Variants in ERGIC2 observed in about 807,000 individuals in gnomAD.
ERGIC2 encodes the protein ERGIC and golgi 2.
ERGIC2 carries 31 observed loss-of-function variants against 52.5 expected under a neutral mutation model. The ratio of observed to expected loss-of-function variants is 0.59; its 90% CI spans 0.44 to 0.80. The LOEUF is 0.80. Among genes scored for constraint, ERGIC2 ranks in the 30% least tolerant of loss-of-function variants. The probability of loss-of-function intolerance (pLI) is 0.00; values close to 1 mark genes in which losing one functional copy is unlikely to be tolerated. For missense variants in ERGIC2, 395 were observed against 455.2 expected, an observed-to-expected ratio of 0.87 and a Z score of 1.20; for synonymous variants, 129 against 140.6, an observed-to-expected ratio of 0.92 and a Z score of 0.58.
intron 5 of ERGIC2, 35 bp downstream of exon 5, chr12:29,366,842 C>T (rs749735407): frequency 1.4e-5 from 19 of 1,342,506 alleles, no homozygotes; most frequent in Admixed American, 1.1e-4. Context: ...TTCCTCAACC[C>T]GTGTATTTCA....
intron 1 of ERGIC2, among the ~76,000 whole-genome samples, chr12:29,377,229 C>T (rs1048622238): frequency 6.6e-6 from 1 of 152,156 alleles, no homozygotes; most frequent in African/African-American, 2.4e-5. Flanking sequence ...TCTCCTTAAA[C>T]TGTCTTGAAT....
chr12:29,368,667 CTGTT>C (rs1334812230), intron 3 of ERGIC2, among the ~76,000 whole-genome samples: 2 of 152,018 alleles, frequency 1.3e-5, no homozygotes, highest in South Asian at 2.1e-4. Flanking sequence ...TCTTTCTTCT[CTGTT>C]TATCAAACAC....
At position 29,338,048 on chromosome 12, in the gene ERGIC2, C is replaced by G. The variant is rs1374947245; in HGVS notation, c.*3108G>C. ...AATTAGCTGGGCTTGGTGGTACGCA[C>G]CTGTAGTCCCAGCTACTCAACAGGC... On this transcript the variant is annotated 3_prime_UTR_variant, in exon 14 of 14. Coordinates refer to ENST00000360150, the MANE Select transcript of ERGIC2 (RefSeq NM_016570.3). The G allele has an allele frequency of 6.6e-6, 1 of 152,034 alleles. No homozygotes were observed. Among genetic ancestry groups the G allele is most frequent in the Non-Finnish European group, 1.5e-5 (1 of 68,102 alleles). 9.4% of individuals were successfully genotyped at this position (152,034 alleles called of 1,614,324 possible).
intron 5 of ERGIC2, among the ~76,000 whole-genome samples, chr12:29,363,800 A>C (rs982568058): frequency 6.7e-6 from 1 of 150,334 alleles, no homozygotes; most frequent in Non-Finnish European, 1.5e-5. Context: ...ATGTAGGGGG[A>C]AAAAAAAAGA....
intron 8 of ERGIC2, among the ~76,000 whole-genome samples, chr12:29,353,015 T>C (rs1211739905): frequency 6.6e-6 from 1 of 152,216 alleles, no homozygotes; most frequent in Non-Finnish European, 1.5e-5. Flanking sequence ...TCTTTCTTTA[T>C]AACCAATTAA....
Position 29,357,693 on chromosome 12 carries a change from C to T in ERGIC2, c.406G>A (p.Glu136Lys), listed in dbSNP as rs942744956. 3.1e-6 allele frequency: 5 copies of T among 1,608,514 alleles called. No homozygotes were observed. Among genetic ancestry groups the T allele is most frequent in the Non-Finnish European group, 4.3e-6 (5 of 1,175,424 alleles). Residue 136 changes from glutamate to lysine, a missense_variant, in exon 7 of 14, where the codon GAA becomes AAA. Transcript: ENST00000360150. ...MLQLIQSRLQ[E>K]EHSLQDVIFK... ...ATCACATCTTGAAGTGAATGCTCTT[C>T]TTGTAGCCTACTCTGAATCAGCTGC...
intron 8 of ERGIC2, among the ~76,000 whole-genome samples, chr12:29,351,449 G>A (rs10082724): frequency 0.21 from 31,625 of 151,968 alleles, 5,240 homozygotes; most frequent in African/African-American, 0.46. Context: ...GAAAGCAGGC[G>A]ATTCATAGAT....
chr12:29,372,300 G>A (rs1460670524), intron 1 of ERGIC2, among the ~76,000 whole-genome samples: 1 of 151,896 alleles, frequency 6.6e-6, no homozygotes, highest in African/African-American at 2.4e-5. Flanking sequence ...CCAAGATCAT[G>A]CCACTGCACT....
chr12:29,378,346 T>C (rs1379275817), intron 1 of ERGIC2, among the ~76,000 whole-genome samples: 2 of 152,298 alleles, frequency 1.3e-5, no homozygotes, highest in East Asian at 3.9e-4. Context: ...TTCAGACTTC[T>C]AGCCTCCAGA....
At chr12:29,351,129 A>G (rs1343349595) in intron 8 of ERGIC2, among the ~76,000 whole-genome samples, 1 of 152,146 alleles carries the variant, frequency 6.6e-6, no homozygotes, top group Non-Finnish European at 1.5e-5. Flanking sequence ...AAGATGGAAT[A>G]TTCAGTTTTT....
At chr12:29,371,490 T>C (rs1940439104) in intron 2 of ERGIC2, 38 bp downstream of exon 2, 1 of 1,320,534 alleles carries the variant, frequency 7.6e-7, no homozygotes, top group Admixed American at 2.1e-5. Context: ...GCAGAAGTTG[T>C]ACTTACTACA....
intron 1 of ERGIC2, among the ~76,000 whole-genome samples, chr12:29,373,234 G>A (rs185017915): frequency 2.2e-4 from 33 of 152,076 alleles, no homozygotes; most frequent in South Asian, 1.7e-3. Context: ...TTATCAGCAC[G>A]TCATCTACAT....
At chr12:29,351,017 T>G (rs984118738) in intron 8 of ERGIC2, among the ~76,000 whole-genome samples, 3 of 152,110 alleles carry the variant, frequency 2.0e-5, no homozygotes, top group African/African-American at 7.2e-5. Context: ...CATTGCTCAA[T>G]AATTGTAACT....
chr12:29,380,045 T>C (rs1940564955), intron 1 of ERGIC2, among the ~76,000 whole-genome samples: 1 of 91,146 alleles, frequency 1.1e-5, no homozygotes, highest in Non-Finnish European at 2.0e-5. Context: ...TATACTAAAG[T>C]TCACCATCAT....
intron 7 of ERGIC2, 32 bp downstream of exon 7, chr12:29,357,591 A>T (rs1357396144): frequency 9.2e-7 from 1 of 1,089,168 alleles, no homozygotes; most frequent in Non-Finnish European, 1.4e-6. Flanking sequence ...AATTCATAAT[A>T]AACAGTTGCA....
At chr12:29,375,371 A>G (rs1432057653) in intron 1 of ERGIC2, among the ~76,000 whole-genome samples, 1 of 152,176 alleles carries the variant, frequency 6.6e-6, no homozygotes, top group African/African-American at 2.4e-5. Context: ...ATATTTATTG[A>G]GAAAAGGAAG....
At position 29,341,149 on chromosome 12, in the gene ERGIC2, G is replaced by C. The variant is rs761680960; in HGVS notation, c.*7C>G. 6.2e-7 allele frequency: 1 copy of C among 1,601,720 alleles called. No individual in the cohort carries two copies. The highest frequency in any genetic ancestry group is 8.5e-7 in the Non-Finnish European group (1 of 1,171,962). On this transcript the variant is annotated 3_prime_UTR_variant, in exon 14 of 14. Coordinates refer to ENST00000360150, the MANE Select transcript of ERGIC2 (RefSeq NM_016570.3). ...GCAAAAAGTTTTTCTCCTTCAATCG[G>C]GAGGTGTTAATGTGTATTATTTTCT... is the stretch of plus-strand genomic sequence containing the variant.
intron 1 of ERGIC2, chr12:29,372,432 G>A (rs887749141): frequency 5.3e-5 from 8 of 151,510 alleles, no homozygotes; most frequent in Non-Finnish European, 1.0e-4. Context: ...CGGGAGAAGG[G>A]AGAAGAAGAA....
Position 29,339,668 on chromosome 12 carries a change from G to A in ERGIC2, c.*1488C>T, listed in dbSNP as rs575612957. On this transcript the variant is annotated 3_prime_UTR_variant, in exon 14 of 14. Transcript: ENST00000360150. The stretch of plus-strand genomic sequence containing the variant: ...ATGCTTCTGTTATTTTCTGCAAAAC[G>A]TCATTCTGCATAAACTTTACTGCAA... The A allele has an allele frequency of 6.6e-5, 10 of 151,900 alleles. No individual in the cohort carries two copies. Among genetic ancestry groups the A allele is most frequent in the Non-Finnish European group, 8.8e-5 (6 of 67,968 alleles). 9.4% of individuals were successfully genotyped at this position (151,900 alleles called of 1,614,324 possible). A position where few individuals can be genotyped will look rare whatever the true frequency, so the allele number is the denominator to read the frequency against.
Sources: allele counts gnomAD v4.1 joint callset (sites outside exome capture counted in the v4.1 genomes callset), GRCh38; gene constraint gnomAD v4.1.1; transcripts MANE v1.5; gene names NCBI Gene and HGNC (gene_info 2026-07-23, HGNC 2026-07-21).